RNASE1: variants seen among roughly 807,000 people sequenced by gnomAD.
The protein encoded by RNASE1 is ribonuclease pancreatic.
For synonymous variants in RNASE1, 64 were observed against 78.6 expected (o/e 0.81, Z 0.98); for missense variants, 203 against 201.0 (o/e 1.01, Z -0.06).
chr14:20,802,332 C>T, intron 1 of RNASE1: 1 of 409,994 alleles, frequency 2.4e-6, no homozygotes, highest in Non-Finnish European at 4.4e-6. Flanking sequence ...ACAAAGTGAC[C>T]TAAAATCCTG....
rs1390354364 is a variant in RNASE1, at chr14:20,801,506, A to G, written c.*92T>C. 3 of 1,047,104 alleles carry G rather than the reference A, an allele frequency of 2.9e-6. No individual in the cohort carries two copies. Among genetic ancestry groups the G allele is most frequent in the Middle Eastern group, 3.1e-4 (1 of 3,270 alleles). 64.9% of individuals were successfully genotyped at this position (1,047,104 alleles called of 1,614,324 possible). On this transcript the variant is annotated 3_prime_UTR_variant, in exon 2 of 2. Transcript: ENST00000397967. ...TGTGTTGAATAGGAGCCCTAACTGT[A>G]GTTACTTCTTTCACAGCAGGGAAGG... is the stretch of plus-strand genomic sequence containing the variant.
At position 20,801,587 on chromosome 14, in the gene RNASE1, C is replaced by G. The variant is rs572034382; in HGVS notation, c.*11G>C. The G allele has an allele frequency of 6.2e-7, 1 of 1,604,578 alleles. No homozygotes were observed. The highest frequency in any genetic ancestry group is 1.3e-5 in the African/African-American group (1 of 74,876). ...AGGTTGAGGGAGGTGGGGTATCTCG[C>G]TGCTCTGACCTTAGGTAGAGTCCTC... is the stretch of plus-strand genomic sequence containing the variant. On this transcript the variant is annotated 3_prime_UTR_variant, in exon 2 of 2. Transcript: ENST00000397967.
chr14:20,801,904 G>C lies in RNASE1; in HGVS notation c.165C>G (p.Asn55Lys). The C allele has an allele frequency of 1.2e-6, 2 of 1,614,028 alleles. No individual in the cohort carries two copies. Among genetic ancestry groups the C allele is most frequent in the East Asian group, 2.2e-5 (1 of 44,872 alleles). Residue 55 changes from asparagine to lysine, a missense_variant, in exon 2 of 2, where the codon AAC becomes AAG. Transcript: ENST00000397967. The part of the protein sequence containing the change: ...SSPSSSSTYC[N>K]QMMRRRNMTQ... ...TCATATTCCGGCGCCTCATCATTTG[G>C]TTACAGTAGGTGGAGCTGCTGCTGG...
Position 20,801,617 on chromosome 14 carries a change from G to A in RNASE1, c.452C>T (p.Ser151Phe). 1.9e-6 allele frequency: 3 copies of A among 1,613,678 alleles called. No individual in the cohort carries two copies. Among genetic ancestry groups the A allele is most frequent in the Non-Finnish European group, 2.5e-6 (3 of 1,179,624 alleles). Residue 151 changes from serine (S) to phenylalanine (F), a missense_variant, in exon 2 of 2, where the codon TCT (serine) becomes TTT (phenylalanine). By Grantham distance (155) the Ser-to-Phe change is radical (BLOSUM62 -2). Coordinates refer to ENST00000397967, the MANE Select transcript of RNASE1 (RefSeq NM_002933.5). Reference protein sequence around the residue: ...SPYVPVHFDASVEDST With the variant: ...SPYVPVHFDAFVEDST ...CTGACCTTAGGTAGAGTCCTCCACA[G>A]AAGCATCAAAGTGGACTGGCACATA...
Position 20,801,560 on chromosome 14 carries a change from T to G in RNASE1, c.*38A>C. On this transcript the variant is annotated 3_prime_UTR_variant, in exon 2 of 2. Coordinates refer to ENST00000397967, the MANE Select transcript of RNASE1 (RefSeq NM_002933.5). ...AGGGAAGAGGCAGCTGTGGAGAGGA[T>G]GAGGTTGAGGGAGGTGGGGTATCTC... 14 of 1,540,182 alleles carry G rather than the reference T, an allele frequency of 9.1e-6. No homozygotes were observed. The highest frequency in any genetic ancestry group is 2.7e-5 in the African/African-American group (2 of 73,536).
At position 20,801,808 on chromosome 14, in the gene RNASE1, G is replaced by A. The variant is rs1879409969; in HGVS notation, c.261C>T (p.Phe87=). The stretch of plus-strand genomic sequence containing the variant: ...CGTTCTTGCAGGTGACCTTTTCCTG[G>A]AAACAGACATTCTGGACATCTACCA... ...EPLVDVQNVC[F]QEKVTCKNGQ... is the part of the protein sequence containing the mutation. The change falls in exon 2 of 2, where the codon TTC becomes TTT. Residue 87 remains phenylalanine (F), a synonymous_variant. Transcript: ENST00000397967. 3.1e-6 allele frequency: 5 copies of A among 1,614,058 alleles called. No homozygotes were observed. The highest frequency in any genetic ancestry group is 1.6e-4 in the Middle Eastern group (1 of 6,084).
At position 20,801,731 on chromosome 14, in the gene RNASE1, C is replaced by T. The variant is rs750170705; in HGVS notation, c.338G>A (p.Arg113His). 1.5e-5 allele frequency: 25 copies of T among 1,614,032 alleles called. No homozygotes were observed. The highest frequency in any genetic ancestry group is 1.6e-4 in the Middle Eastern group (1 of 6,084). Residue 113 changes from arginine to histidine, a missense_variant, in exon 2 of 2, where the codon CGC (arginine) becomes CAC (histidine). Coordinates refer to ENST00000397967, the MANE Select transcript of RNASE1 (RefSeq NM_002933.5). The part of the protein sequence containing the change: ...SNSSMHITDC[R>H]LTNGSRYPNC... ...GGGGTACCTGGAGCCGTTTGTCAGG[C>T]GGCAGTCTGTGATGTGCATGCTGGA...
chr14:20,802,205 G>A (rs1239113185), intron 1 of RNASE1, 112 bp from the exon 2 acceptor site: 2 of 676,378 alleles, frequency 3.0e-6, no homozygotes, highest in East Asian at 2.7e-5. Flanking sequence ...CCAGAAAGAC[G>A]TCCATCCTAC....
At position 20,801,370 on chromosome 14, in the gene RNASE1, C is replaced by G. The variant is rs1053471640; in HGVS notation, c.*228G>C. On this transcript the variant is annotated 3_prime_UTR_variant, in exon 2 of 2. Coordinates refer to ENST00000397967, the MANE Select transcript of RNASE1 (RefSeq NM_002933.5). Reference sequence around the variant, plus strand: ...CGCTTCAGAAATCAGGTGTTTGCAACTGCGTTTTATTGAAAGAAAGAGTGG... The same window carrying G: ...CGCTTCAGAAATCAGGTGTTTGCAAGTGCGTTTTATTGAAAGAAAGAGTGG... The G allele has an allele frequency of 5.6e-5, 32 of 567,994 alleles. No homozygotes were observed. Among genetic ancestry groups the G allele is most frequent in the African/African-American group, 5.4e-4 (29 of 53,426 alleles). 35.2% of individuals were successfully genotyped at this position (567,994 alleles called of 1,614,324 possible).
chr14:20,801,741 T>G lies in RNASE1; in HGVS notation c.328A>C (p.Thr110Pro). The part of the protein sequence containing the change: ...CYKSNSSMHI[T>P]DCRLTNGSRY... ...GAGCCGTTTGTCAGGCGGCAGTCTG[T>G]GATGTGCATGCTGGAGTTGCTCTTG... Residue 110 changes from threonine (T) to proline (P), a missense_variant, in exon 2 of 2, where the codon ACA becomes CCA. By Grantham distance (38) the Thr-to-Pro change is conservative. Coordinates refer to ENST00000397967, the MANE Select transcript of RNASE1 (RefSeq NM_002933.5). The G allele has an allele frequency of 6.2e-7, 1 of 1,614,164 alleles. No individual in the cohort carries two copies. Among genetic ancestry groups the G allele is most frequent in the South Asian group, 1.1e-5 (1 of 91,072 alleles).
rs748095765 is a variant in RNASE1, at chr14:20,801,773, T to C, written c.296A>G (p.Asn99Ser). 6.2e-6 allele frequency: 10 copies of C among 1,614,210 alleles called. No individual in the cohort carries two copies. Among genetic ancestry groups the C allele is most frequent in the Non-Finnish European group, 7.6e-6 (9 of 1,180,046 alleles). Residue 99 changes from asparagine to serine, a missense_variant, in exon 2 of 2, where the codon AAC becomes AGC. By Grantham distance (46) the Asn-to-Ser change is conservative (BLOSUM62 1). Coordinates refer to ENST00000397967, the MANE Select transcript of RNASE1 (RefSeq NM_002933.5). ...EKVTCKNGQGNCYKSNSSMHI... is the reference protein window; with the variant it reads ...EKVTCKNGQGSCYKSNSSMHI... ...CATGCTGGAGTTGCTCTTGTAGCAG[T>C]TGCCCTGCCCGTTCTTGCAGGTGAC...
Position 20,801,890 on chromosome 14 carries a change from C to A in RNASE1, c.179G>T (p.Arg60Leu), listed in dbSNP as rs757016129. 2 of 1,613,960 alleles carry A rather than the reference C, an allele frequency of 1.2e-6. No homozygotes were observed. The highest frequency in any genetic ancestry group is 1.7e-5 in the Admixed American group (1 of 60,010). Residue 60 changes from arginine to leucine, a missense_variant, in exon 2 of 2, where the codon CGC becomes CTC. By Grantham distance (102) the Arg-to-Leu change is moderately radical. Transcript: ENST00000397967. ...GCACCGCCCCTGTGTCATATTCCGG[C>A]GCCTCATCATTTGGTTACAGTAGGT... ...SSTYCNQMMR[R>L]RNMTQGRCKP...
rs1268925222 is a variant in RNASE1, at chr14:20,801,707, G to A, written c.362C>T (p.Pro121Leu). The change falls in exon 2 of 2, where the codon CCC becomes CTC. Residue 121 changes from proline to leucine, a missense_variant. Physicochemically the swap from Pro to Leu is moderately conservative, Grantham distance 98 (BLOSUM62 -3). Transcript: ENST00000397967. ...DCRLTNGSRYPNCAYRTSPKE... is the reference protein window; with the variant it reads ...DCRLTNGSRYLNCAYRTSPKE... ...CGGGCTGGTCCGGTATGCACAGTTGGGGTACCTGGAGCCGTTTGTCAGGCG... is the reference window on the plus strand; with the variant it reads ...CGGGCTGGTCCGGTATGCACAGTTGAGGTACCTGGAGCCGTTTGTCAGGCG... 1.3e-5 allele frequency: 21 copies of A among 1,614,050 alleles called. No homozygotes were observed. Among genetic ancestry groups the A allele is most frequent in the African/African-American group, 2.7e-5 (2 of 74,914 alleles).
At chr14:20,802,124 A>T in intron 1 of RNASE1, 31 bp from the exon 2 acceptor site, 3 of 1,356,538 alleles carry the variant, frequency 2.2e-6, no homozygotes, top group Non-Finnish European at 2.9e-6. Context: ...GAAGGAAAAG[A>T]GCCCTCTTAG....
At chr14:20,802,118 G>C in intron 1 of RNASE1, 25 bp from the exon 2 acceptor site, 1 of 1,386,132 alleles carries the variant, frequency 7.2e-7, no homozygotes, top group Non-Finnish European at 9.6e-7. Flanking sequence ...GAGAGAGAAG[G>C]AAAAGAGCCC....
At chr14:20,802,705 A>G (rs1047737035) in intron 1 of RNASE1, 92 bp downstream of exon 1, 1 of 152,634 alleles carries the variant, frequency 6.6e-6, no homozygotes, top group South Asian at 2.1e-4. Flanking sequence ...AGCATCACCC[A>G]ATCTTTCTCA....
chr14:20,802,144 T>G, intron 1 of RNASE1, 51 bp from the exon 2 acceptor site: 1 of 1,140,376 alleles, frequency 8.8e-7, no homozygotes, highest in Non-Finnish European at 1.2e-6. Flanking sequence ...GAAAAAGAAC[T>G]CCAGCTCCCA....
Position 20,801,417 on chromosome 14 carries a change from C to A in RNASE1, c.*181G>T. On this transcript the variant is annotated 3_prime_UTR_variant, in exon 2 of 2. Coordinates refer to ENST00000397967, the MANE Select transcript of RNASE1 (RefSeq NM_002933.5). Reference sequence around the variant, plus strand: ...GTGGAGGGGTTAACATGGGGCCCACCTCACAACCCACTCTTCACCCCCAAA... The same window carrying A: ...GTGGAGGGGTTAACATGGGGCCCACATCACAACCCACTCTTCACCCCCAAA... The A allele has an allele frequency of 1.6e-6, 1 of 613,714 alleles. No individual in the cohort carries two copies. The highest frequency in any genetic ancestry group is 2.9e-6 in the Non-Finnish European group (1 of 346,360). 38.0% of individuals were successfully genotyped at this position (613,714 alleles called of 1,614,324 possible).
rs762105023 is a variant in RNASE1 at position 20,801,567 on chromosome 14, G to C, written c.*31C>G. Reference sequence around the variant, plus strand: ...AGGCAGCTGTGGAGAGGATGAGGTTGAGGGAGGTGGGGTATCTCGCTGCTC... The same window carrying C: ...AGGCAGCTGTGGAGAGGATGAGGTTCAGGGAGGTGGGGTATCTCGCTGCTC... On this transcript the variant is annotated 3_prime_UTR_variant, in exon 2 of 2. Coordinates refer to ENST00000397967, the MANE Select transcript of RNASE1 (RefSeq NM_002933.5). 1 of 1,575,030 alleles carries C rather than the reference G, an allele frequency of 6.3e-7. No individual in the cohort carries two copies. The highest frequency in any genetic ancestry group is 2.3e-5 in the East Asian group (1 of 44,390).
Sources: gnomAD v4.1 joint callset for allele counts on GRCh38, gnomAD v4.1.1 for gene constraint, MANE v1.5 for transcripts, NCBI Gene and HGNC (gene_info 2026-07-23, HGNC 2026-07-21) for gene names.